Variants in CHST11 observed in about 807,000 individuals in gnomAD.
CHST11 encodes the protein carbohydrate sulfotransferase 11, also known as C4S-1.
CHST11 carries 9 observed loss-of-function variants against 30.4 expected under a neutral mutation model. The ratio of observed to expected loss-of-function variants is 0.30; its 90% CI spans 0.18 to 0.52. The LOEUF (loss-of-function observed/expected upper bound fraction) is 0.52, where lower values mean the gene tolerates loss of function less well. CHST11 is among the 20% of genes least tolerant of loss of function. The pLI is 0.97. For missense variants in CHST11, 348 were observed against 460.6 expected, an observed-to-expected ratio of 0.76 and a Z score of 2.24; for synonymous variants, 152 against 187.8, an observed-to-expected ratio of 0.81 and a Z score of 1.56.
At chr12:104,598,261 T>TC (rs544648625) in intron 1 of CHST11, among the ~76,000 whole-genome samples, 1 of 152,300 alleles carries the variant, frequency 6.6e-6, no homozygotes, top group South Asian at 2.1e-4. Flanking sequence ...AGAAGTCATT[T>TC]GTGGCCCCTG....
rs554045051 is a variant in CHST11 at position 104,488,372 on chromosome 12, C to A, written c.118+30843C>A. Among the ~76,000 whole-genome samples the A allele has an allele frequency of 2.0e-5, 3 of 150,948 alleles. No individual in the cohort carries two copies. The East Asian group carries it at 5.8e-4, about 29-fold the overall frequency. On this transcript the variant is annotated intron_variant, in intron 1 of 2. Transcript: ENST00000303694. ...ATGCATGTGTGTGCGTATGTGTATG[C>A]GTGTGTATGTGTGTGTATGTGTGCG...
intron 2 of CHST11, among the ~76,000 whole-genome samples, chr12:104,618,120 G>T (rs2039125632): frequency 6.6e-6 from 1 of 151,850 alleles, no homozygotes; most frequent in Non-Finnish European, 1.5e-5. Context: ...CGTTGGCCAG[G>T]CTGGTCTCGA....
chr12:104,718,247 T>G (rs2040146907), intron 2 of CHST11, among the ~76,000 whole-genome samples: 1 of 152,254 alleles, frequency 6.6e-6, no homozygotes, highest in Admixed American at 6.5e-5. Context: ...TTTTGTGACT[T>G]GCCTGAAGCC....
chr12:104,715,452 C>T (rs2040123312), intron 2 of CHST11, among the ~76,000 whole-genome samples: 1 of 152,162 alleles, frequency 6.6e-6, no homozygotes, highest in Non-Finnish European at 1.5e-5. Flanking sequence ...AAATAAGACC[C>T]TGCATGACAT....
intron 1 of CHST11, among the ~76,000 whole-genome samples, chr12:104,504,879 G>A (rs2037889009): frequency 6.6e-6 from 1 of 152,038 alleles, no homozygotes; most frequent in Non-Finnish European, 1.5e-5. Flanking sequence ...TGGGGGAGGG[G>A]GAGCCTTAAT....
intron 1 of CHST11, among the ~76,000 whole-genome samples, chr12:104,528,142 G>A (rs1379653895): frequency 6.6e-6 from 1 of 152,192 alleles, no homozygotes; most frequent in African/African-American, 2.4e-5. Context: ...CCCAGATGAT[G>A]ATGGTTATGT....
chr12:104,551,106 G>A (rs1397295194), intron 1 of CHST11, among the ~76,000 whole-genome samples: 3 of 152,218 alleles, frequency 2.0e-5, no homozygotes, highest in African/African-American at 7.2e-5. Flanking sequence ...TCATGTTGAA[G>A]TGTGGGTTGG....
At chr12:104,550,371 A>G (rs2038394020) in intron 1 of CHST11, among the ~76,000 whole-genome samples, 1 of 152,196 alleles carries the variant, frequency 6.6e-6, no homozygotes, top group South Asian at 2.1e-4. Context: ...AGAATGGAAA[A>G]TGTCCTGCTT....
intron 1 of CHST11, among the ~76,000 whole-genome samples, chr12:104,517,468 T>C (rs1795849): frequency 0.28 from 42,238 of 152,072 alleles, 6,255 homozygotes; most frequent in African/African-American, 0.37. Flanking sequence ...TTTGCAATCA[T>C]CACTTGTACA....
At chr12:104,510,527 A>G (rs2037954333) in intron 1 of CHST11, among the ~76,000 whole-genome samples, 1 of 152,230 alleles carries the variant, frequency 6.6e-6, no homozygotes, top group Non-Finnish European at 1.5e-5. Flanking sequence ...TTTGAGATCT[A>G]TGGTGGCTGA....
chr12:104,713,324 A>C (rs959785214), intron 2 of CHST11, among the ~76,000 whole-genome samples: 6 of 152,010 alleles, frequency 3.9e-5, no homozygotes, highest in African/African-American at 1.5e-4. Flanking sequence ...AGCCAAAGTG[A>C]GACAGTGGAT....
At chr12:104,735,464 C>A (rs960755695) in intron 2 of CHST11, among the ~76,000 whole-genome samples, 2 of 152,104 alleles carry the variant, frequency 1.3e-5, no homozygotes, top group African/African-American at 4.8e-5. Context: ...AGATCACTGG[C>A]GGAGCACCAG....
chr12:104,744,055 G>T (rs1290946940), intron 2 of CHST11, among the ~76,000 whole-genome samples: 2 of 152,204 alleles, frequency 1.3e-5, no homozygotes, highest in Non-Finnish European at 2.9e-5. Context: ...AAACAGTGCT[G>T]CAGTGAACAC....
At chr12:104,467,071 G>C (rs1458564206) in intron 1 of CHST11, among the ~76,000 whole-genome samples, 2 of 152,188 alleles carry the variant, frequency 1.3e-5, no homozygotes, top group Non-Finnish European at 2.9e-5. Flanking sequence ...GAATAGGATA[G>C]TTAAAAGTAG....
intron 2 of CHST11, among the ~76,000 whole-genome samples, chr12:104,722,155 A>AGTGTGTGTATGTGTGTGT (rs141001892): frequency 5.1e-5 from 7 of 137,482 alleles, no homozygotes; most frequent in African/African-American, 2.1e-4. Context: ...CACTCAGCTA[A>AGTGTGTGTATGTGTGTGT]GTGTGTGTGT....
intron 2 of CHST11, among the ~76,000 whole-genome samples, chr12:104,616,229 G>C (rs898840414): frequency 6.6e-6 from 1 of 152,146 alleles, no homozygotes; most frequent in African/African-American, 2.4e-5. Context: ...TTTTAGTGCA[G>C]GGGTTCACAG....
chr12:104,531,293 AGCCTG>A (rs993097721), intron 1 of CHST11, among the ~76,000 whole-genome samples: 1 of 152,094 alleles, frequency 6.6e-6, no homozygotes, highest in African/African-American at 2.4e-5. Flanking sequence ...GTTTGAGACC[AGCCTG>A]GGCAACATAG....
At chr12:104,700,437 G>T (rs10861270) in intron 2 of CHST11, among the ~76,000 whole-genome samples, 37,735 of 152,082 alleles carry the variant, frequency 0.25, 5,419 homozygotes, top group South Asian at 0.42. Context: ...ATTTACTATG[G>T]TGGTCAAAAG....
chr12:104,602,056 T>C, intron 2 of CHST11, 65 bp downstream of exon 2: 1 of 1,183,282 alleles, frequency 8.5e-7, no homozygotes, highest in Non-Finnish European at 1.2e-6. Flanking sequence ...TACTAAAAAC[T>C]CTAAAATTGT....
Sources: allele counts gnomAD v4.1 joint callset (sites outside exome capture counted in the v4.1 genomes callset), GRCh38; gene constraint gnomAD v4.1.1; transcripts MANE v1.5; gene names NCBI Gene and HGNC (gene_info 2026-07-23, HGNC 2026-07-21).